The following CPNE8 variants were observed in gnomAD, a reference collection of about 807,000 sequenced individuals.
CPNE8 encodes copine-8.
In CPNE8, 45 loss-of-function variants were observed where a neutral mutation model predicts 81.5. That is an observed-to-expected ratio of 0.55 (90% CI 0.44 to 0.71). The LOEUF is 0.71. CPNE8 is among the 30% of genes least tolerant of loss of function. CPNE8 has a pLI of 0.00. For missense variants in CPNE8, 594 were observed against 672.1 expected (o/e 0.88, Z 1.28); for synonymous variants, 252 against 226.3 (o/e 1.11, Z -1.02).
At chr12:38,874,932 C>T (rs926926851) in intron 1 of CPNE8, among the ~76,000 whole-genome samples, 12 of 152,234 alleles carry the variant, frequency 7.9e-5, no homozygotes, top group Admixed American at 5.9e-4. Flanking sequence ...CACATGATCA[C>T]GTTAGTCCAT....
At chr12:38,658,171 C>T (rs1226068568) in intron 19 of CPNE8, among the ~76,000 whole-genome samples, 1 of 152,072 alleles carries the variant, frequency 6.6e-6, no homozygotes, top group Non-Finnish European at 1.5e-5. Context: ...AGACGAATGA[C>T]TAACTAGAAT....
Position 38,882,418 on chromosome 12 carries a change from T to C in CPNE8, c.99-7907A>G, listed in dbSNP as rs188031366. On this transcript the variant is annotated intron_variant, in intron 1 of 19. Transcript: ENST00000331366. ...GACATCAGCCCTGCCAACACCTTGA[T>C]TTCAGCCCGGCAATACTGATTTAGG... Among the ~76,000 whole-genome samples, 216 of 152,296 alleles carry C rather than the reference T, an allele frequency of 1.4e-3. 1 individual carries two copies. The highest frequency in any genetic ancestry group is 4.9e-3 in the African/African-American group (204 of 41,566).
At position 38,819,206 on chromosome 12, in the gene CPNE8, C is replaced by G. The variant is rs368546878; in HGVS notation, c.407+10173G>C. On this transcript the variant is annotated intron_variant, in intron 6 of 19. Transcript: ENST00000331366. ...TGGTGTTTTAGTCATGAAGTCTTTG[C>G]CCATGCCTATGTCCTGAATCGTATT... 1.4e-3 allele frequency among the ~76,000 whole-genome samples: 215 copies of G among 152,232 alleles called. 1 individual carries two copies. The highest frequency in any genetic ancestry group is 4.9e-3 in the African/African-American group (203 of 41,538).
At chr12:38,672,757 A>C (rs1023071479) in intron 18 of CPNE8, among the ~76,000 whole-genome samples, 1 of 152,220 alleles carries the variant, frequency 6.6e-6, no homozygotes, top group Non-Finnish European at 1.5e-5. Context: ...GGGGAAATTT[A>C]TGTAGATAGT....
intron 10 of CPNE8, among the ~76,000 whole-genome samples, chr12:38,745,374 T>A (rs768470097): frequency 5.3e-5 from 8 of 152,216 alleles, no homozygotes; most frequent in Non-Finnish European, 8.8e-5. Flanking sequence ...ACATCCATGC[T>A]TTGCCTGGTA....
intron 6 of CPNE8, among the ~76,000 whole-genome samples, chr12:38,825,125 G>A (rs575591814): frequency 4.6e-5 from 7 of 152,200 alleles, no homozygotes; most frequent in South Asian, 4.2e-4. Flanking sequence ...CGGCTATTTC[G>A]GTCATGCATT....
intron 3 of CPNE8, among the ~76,000 whole-genome samples, chr12:38,861,199 C>T (rs1276518376): frequency 2.6e-5 from 4 of 152,028 alleles, no homozygotes; most frequent in Non-Finnish European, 5.9e-5. Context: ...CTTAAAGAAA[C>T]AGCACAGAAT....
At chr12:38,740,348 G>A (rs1168478600) in intron 10 of CPNE8, among the ~76,000 whole-genome samples, 1 of 152,152 alleles carries the variant, frequency 6.6e-6, no homozygotes, top group Non-Finnish European at 1.5e-5. Context: ...CTGCAAACAG[G>A]GACATTTGAC....
chr12:38,785,353 C>T (rs943346382), intron 6 of CPNE8, among the ~76,000 whole-genome samples: 1 of 150,378 alleles, frequency 6.6e-6, no homozygotes, highest in African/African-American at 2.5e-5. Flanking sequence ...AAAAAATTAA[C>T]CAATAAAAAA....
At chr12:38,762,061 A>T (rs1372506449) in intron 9 of CPNE8, 51 bp downstream of exon 9, 1 of 928,602 alleles carries the variant, frequency 1.1e-6, no homozygotes, top group Non-Finnish European at 1.5e-6. Context: ...AAATCACTGT[A>T]GATTTTTTTA....
intron 19 of CPNE8, among the ~76,000 whole-genome samples, chr12:38,656,559 G>T (rs1938822231): frequency 6.6e-6 from 1 of 151,994 alleles, no homozygotes; most frequent in Non-Finnish European, 1.5e-5. Context: ...CAGAAACTTT[G>T]GAATTAGACT....
In CPNE8 at chr12:38,735,882, A is replaced by C. The variant is rs571602890; in HGVS notation, c.723-5524T>G. Reference sequence around the variant, plus strand: ...CCTGGTTCATGTTTTTACTATTAATAGTATAAATTATTATATATAAGATAT... The same window carrying C: ...CCTGGTTCATGTTTTTACTATTAATCGTATAAATTATTATATATAAGATAT... On this transcript the variant is annotated intron_variant, in intron 10 of 19. Transcript: ENST00000331366. 2.6e-5 allele frequency among the ~76,000 whole-genome samples: 4 copies of C among 151,918 alleles called. No individual in the cohort carries two copies. The East Asian group carries it at 7.7e-4, about 29-fold the overall frequency.
chr12:38,732,719 C>T (rs994760423), intron 10 of CPNE8, among the ~76,000 whole-genome samples: 1 of 151,956 alleles, frequency 6.6e-6, no homozygotes, highest in Admixed American at 6.6e-5. Flanking sequence ...CTATATTACT[C>T]CTTTGTTTCA....
chr12:38,792,889 C>T, intron 6 of CPNE8, among the ~76,000 whole-genome samples: 1 of 151,620 alleles, frequency 6.6e-6, no homozygotes, highest in Non-Finnish European at 1.5e-5. Flanking sequence ...TACACCATCA[C>T]CAGCTGGTAT....
At chr12:38,887,060 A>G (rs1053973049) in intron 1 of CPNE8, among the ~76,000 whole-genome samples, 5 of 152,208 alleles carry the variant, frequency 3.3e-5, no homozygotes, top group African/African-American at 1.2e-4. Flanking sequence ...AGAGACAAGC[A>G]CCAGGAGGCA....
chr12:38,792,273 A>T (rs1459433054), intron 6 of CPNE8, among the ~76,000 whole-genome samples: 1 of 149,922 alleles, frequency 6.7e-6, no homozygotes, highest in Non-Finnish European at 1.5e-5. Context: ...CAAAAACATT[A>T]CAAAAATATC....
Position 38,670,578 on chromosome 12 carries a change from C to T in CPNE8, c.1506+151G>A, listed in dbSNP as rs953421116. 15 of 537,722 alleles carry T rather than the reference C, an allele frequency of 2.8e-5. 1 individual carries two copies. The highest frequency in any genetic ancestry group is 9.5e-5 in the East Asian group (3 of 31,478). 33.3% of individuals were successfully genotyped at this position (537,722 alleles called of 1,614,324 possible). On this transcript the variant is annotated intron_variant, in intron 19 of 19. Transcript: ENST00000331366. Reference sequence around the variant, plus strand: ...TACTAAATTTATTCACTCTGAGTATCTACCAGATTAAAATATATTTAGTTT... The same window carrying T: ...TACTAAATTTATTCACTCTGAGTATTTACCAGATTAAAATATATTTAGTTT...
intron 6 of CPNE8, among the ~76,000 whole-genome samples, chr12:38,796,594 G>T (rs893239540): frequency 6.6e-6 from 1 of 152,146 alleles, no homozygotes; most frequent in Non-Finnish European, 1.5e-5. Flanking sequence ...AACAGCTCCG[G>T]TCTACAGCTC....
intron 6 of CPNE8, among the ~76,000 whole-genome samples, chr12:38,822,782 T>G (rs1943127111): frequency 6.6e-6 from 1 of 152,094 alleles, no homozygotes; most frequent in African/African-American, 2.4e-5. Flanking sequence ...AAAGTATAGA[T>G]GTAAAAACGG....
Sources: gnomAD v4.1 joint callset for allele counts (sites outside exome capture counted in the v4.1 genomes callset) on GRCh38, gnomAD v4.1.1 for gene constraint, MANE v1.5 for transcripts, NCBI Gene and HGNC (gene_info 2026-07-23, HGNC 2026-07-21) for gene names.